Variants in RALGDS observed in about 807,000 individuals in gnomAD.
RALGDS encodes ral guanine nucleotide dissociation stimulator, also known as ral guanine nucleotide exchange factor.
RALGDS carries 44 observed loss-of-function variants against 99.8 expected under a neutral mutation model. That is an observed-to-expected ratio of 0.44 (90% confidence interval 0.35 to 0.57). The LOEUF (loss-of-function observed/expected upper bound fraction) is 0.57, where lower values mean the gene tolerates loss of function less well. Ranked by LOEUF, RALGDS falls within the 20% of genes least tolerant of loss-of-function variation. The pLI, the probability that RALGDS is intolerant of heterozygous loss-of-function variation, is 0.01. For synonymous variants in RALGDS, 529 were observed against 505.0 expected, an observed-to-expected ratio of 1.05 and a Z score of -0.64; for missense variants, 1,022 against 1,203.1, an observed-to-expected ratio of 0.85 and a Z score of 2.23.
chr9:133,121,256 G>A (rs542595264), upstream of RALGDS: 7 of 987,138 alleles, frequency 7.1e-6, no homozygotes, highest in South Asian at 1.9e-4. Flanking sequence ...CCCGCGGCCC[G>A]GCCCTGCTGA....
At chr9:133,130,381 T>A (rs1832299690) in intron 1 of RALGDS, among the ~76,000 whole-genome samples, 1 of 152,204 alleles carries the variant, frequency 6.6e-6, no homozygotes, top group African/African-American at 2.4e-5. Flanking sequence ...CCCAAAGTGG[T>A]AAGATTACAG....
At chr9:133,113,026 C>A (rs1433644598) in intron 1 of RALGDS, among the ~76,000 whole-genome samples, 1 of 152,204 alleles carries the variant, frequency 6.6e-6, no homozygotes, top group African/African-American at 2.4e-5. Context: ...AGACAGACTT[C>A]CCCCACCTGG....
At chr9:133,111,671 C>T (rs1357576202) in intron 2 of RALGDS, among the ~76,000 whole-genome samples, 1 of 152,232 alleles carries the variant, frequency 6.6e-6, no homozygotes, top group African/African-American at 2.4e-5. Context: ...AGCCTCCCTT[C>T]TGGAATATTA....
rs531903987 is a variant in RALGDS at position 133,108,180 on chromosome 9, T to C, written c.1005A>G (p.Leu335=). 1 of 1,611,922 alleles carries C rather than the reference T, an allele frequency of 6.2e-7. No homozygotes were observed. The highest frequency in any genetic ancestry group is 2.2e-5 in the East Asian group (1 of 44,882). ...LESAPAPALE[L]EPAPEQDPAP... is the part of the protein sequence containing the mutation. ...CTGGATCCTGTTCTGGAGCTGGCTC[T>C]AGTTCCAGAGCTGGCGCTGGAGCCG... The change falls in exon 6 of 18, where the codon CTA becomes CTG. Residue 335 remains leucine, a synonymous_variant. Transcript: ENST00000372050.
chr9:133,117,712 G>T (rs1403012901), intron 1 of RALGDS, among the ~76,000 whole-genome samples: 1 of 152,252 alleles, frequency 6.6e-6, no homozygotes, highest in Non-Finnish European at 1.5e-5. Context: ...GGCCTGCAAG[G>T]CTGGAAGTCC....
At chr9:133,110,226 G>T (rs1366387395) in intron 3 of RALGDS, 70 bp downstream of exon 3, 6 of 1,466,220 alleles carry the variant, frequency 4.1e-6, no homozygotes, top group South Asian at 1.1e-5. Context: ...GCATTGCCAA[G>T]ACCCGCAGCC....
upstream of RALGDS, among the ~76,000 whole-genome samples, chr9:133,135,640 G>A (rs965219308): frequency 6.6e-6 from 1 of 152,180 alleles, no homozygotes; most frequent in Admixed American, 6.5e-5. Flanking sequence ...CAGGAGTCTT[G>A]GGCCAAACCC....
In RALGDS at chr9:133,098,018, G is replaced by C; in HGVS notation, c.*569C>G. ...TCACCGGGTGCAGAGTCTGGTCCATGAAGAGGGTTTCTCTCTCTGCTCCCA... is the reference window on the plus strand; with the variant it reads ...TCACCGGGTGCAGAGTCTGGTCCATCAAGAGGGTTTCTCTCTCTGCTCCCA... On this transcript the variant is annotated 3_prime_UTR_variant, in exon 18 of 18. Transcript: ENST00000372050. The C allele has an allele frequency of 3.9e-6, 1 of 253,744 alleles. No individual in the cohort carries two copies. The highest frequency in any genetic ancestry group is 7.7e-6 in the Non-Finnish European group (1 of 129,964). The allele number at this position is 253,744 out of a possible 1,614,324, so 15.7% of individuals were successfully genotyped here.
intron 16 of RALGDS, chr9:133,101,242 T>A: frequency 7.6e-7 from 1 of 1,313,760 alleles, no homozygotes; most frequent in Non-Finnish European, 9.8e-7. Context: ...GCTCAGGGCC[T>A]ATGTGGCCAG....
chr9:133,142,226 G>A (rs1237493818), intron 1 of RALGDS, among the ~76,000 whole-genome samples: 1 of 152,170 alleles, frequency 6.6e-6, no homozygotes, highest in East Asian at 1.9e-4. Flanking sequence ...CTGTGTCAGG[G>A]TGGAGGGCCA....
At chr9:133,135,523 G>A (rs489652), upstream of RALGDS, among the ~76,000 whole-genome samples, 53,845 of 152,034 alleles carry the variant, frequency 0.35, 9,816 homozygotes, top group East Asian at 0.53. Flanking sequence ...CAAGGGCACC[G>A]CAGCTCCCCT....
Position 133,108,088 on chromosome 9 carries a change from G to A in RALGDS, c.1097C>T (p.Pro366Leu), listed in dbSNP as rs772309425. Residue 366 changes from proline to leucine, a missense_variant, in exon 6 of 18, where the codon CCT becomes CTT. Coordinates refer to ENST00000372050, the MANE Select transcript of RALGDS (RefSeq NM_006266.4). ...APVPSLQPSW[P>L]SPVVAENGLS... Reference sequence around the variant, plus strand: ...CCCGTTCTCTGCAACCACAGGTGAAGGCCAGGAAGGCTGTAATGATGGAAC... The same window carrying A: ...CCCGTTCTCTGCAACCACAGGTGAAAGCCAGGAAGGCTGTAATGATGGAAC... 5.0e-6 allele frequency: 8 copies of A among 1,613,586 alleles called. No homozygotes were observed. Among genetic ancestry groups the A allele is most frequent in the Non-Finnish European group, 3.4e-6 (4 of 1,180,054 alleles).
intron 9 of RALGDS, among the ~76,000 whole-genome samples, chr9:133,104,809 C>G (rs1382204611): frequency 6.6e-6 from 1 of 152,154 alleles, no homozygotes; most frequent in East Asian, 1.9e-4. Flanking sequence ...GAGACTCCTT[C>G]TCTAAACAAA....
intron 1 of RALGDS, among the ~76,000 whole-genome samples, chr9:133,119,614 G>A (rs1225811617): frequency 6.6e-6 from 1 of 152,140 alleles, no homozygotes; most frequent in Admixed American, 6.5e-5. Flanking sequence ...AGCACACAAA[G>A]CCCGAGCTGC....
chr9:133,102,989 C>G, intron 12 of RALGDS, 89 bp from the exon 13 acceptor site: 1 of 1,562,946 alleles, frequency 6.4e-7, no homozygotes, highest in Non-Finnish European at 8.7e-7. Flanking sequence ...GGGGTCCCTT[C>G]CTCCCCTCTA....
chr9:133,136,842 C>G (rs903628867), intron 1 of RALGDS, among the ~76,000 whole-genome samples: 3 of 152,142 alleles, frequency 2.0e-5, no homozygotes, highest in African/African-American at 7.2e-5. Flanking sequence ...GAGGCTGAGG[C>G]AGGAGACTGG....
intron 1 of RALGDS, 53 bp downstream of exon 1, chr9:133,120,919 G>C: frequency 1.4e-6 from 2 of 1,444,612 alleles, no homozygotes; most frequent in South Asian, 1.3e-5. Context: ...CAGCTCTGCC[G>C]CGGGTGGGGA....
In RALGDS at chr9:133,103,617, C is replaced by T. The variant is rs899660284; in HGVS notation, c.1758+130G>A. The T allele has an allele frequency of 3.0e-6, 3 of 989,038 alleles. No individual in the cohort carries two copies. In the African/African-American group the frequency reaches 4.8e-5, roughly 16 times the overall value. 61.3% of individuals were successfully genotyped at this position (989,038 alleles called of 1,614,324 possible). A position where few individuals can be genotyped will look rare whatever the true frequency, so the allele number is the denominator to read the frequency against. On this transcript the variant is annotated intron_variant, in intron 11 of 17. Transcript: ENST00000372050. ...CTGCTGCAGCTCTGTGTTTGGGCAG[C>T]CCTGGGGTGTCACCAGCAGGGCACT...
chr9:133,107,208 G>A lies in RALGDS; in HGVS notation c.1290C>T (p.Ile430=). 4 of 1,613,754 alleles carry A rather than the reference G, an allele frequency of 2.5e-6. No individual in the cohort carries two copies. The highest frequency in any genetic ancestry group is 3.4e-6 in the Non-Finnish European group (4 of 1,180,012). ...TGTTGAACTGGGTGACAGTGGCGCG[G>A]ATGGTGGGCGCCAGGTGCTCCTTGC... ...KKGKEHLAPT[I]RATVTQFNSV... Residue 430 remains isoleucine (I), a synonymous_variant, in exon 7 of 18, where the codon ATC becomes ATT. Coordinates refer to ENST00000372050, the MANE Select transcript of RALGDS (RefSeq NM_006266.4).
Sources: gnomAD v4.1 joint callset for allele counts (sites outside exome capture counted in the v4.1 genomes callset) on GRCh38, gnomAD v4.1.1 for gene constraint, MANE v1.5 for transcripts, NCBI Gene and HGNC (gene_info 2026-07-23, HGNC 2026-07-21) for gene names.